Variants in SATB1 observed in about 807,000 individuals in gnomAD.
The protein encoded by SATB1 is SATB homeobox 1.
SATB1 carries 11 observed loss-of-function variants against 86.9 expected under a neutral mutation model. The observed-to-expected ratio is 0.13, with a 90% CI of 0.08 to 0.21. The LOEUF (loss-of-function observed/expected upper bound fraction) is 0.21, where lower values mean the gene tolerates loss of function less well. Among genes scored for constraint, SATB1 ranks in the 10% least tolerant of loss-of-function variants. The pLI is 1.00. For synonymous variants in SATB1, 357 were observed against 357.2 expected, an observed-to-expected ratio of 1.00 and a Z score of 0.01; for missense variants, 551 against 937.6, an observed-to-expected ratio of 0.59 and a Z score of 5.39.
At chr3:18,397,432 C>A in intron 5 of SATB1, 142 bp from the exon 6 acceptor site, 1 of 584,518 alleles carries the variant, frequency 1.7e-6, no homozygotes, top group Non-Finnish European at 3.1e-6. Context: ...CCTAAAGCTT[C>A]GACTTCTTAA....
At chr3:18,369,521 C>T (rs2125166467) in intron 9 of SATB1, among the ~76,000 whole-genome samples, 1 of 152,240 alleles carries the variant, frequency 6.6e-6, no homozygotes, top group African/African-American at 2.4e-5. Flanking sequence ...ACATCTTACA[C>T]ACACATACAT....
At chr3:18,392,886 T>C (rs1207661668) in intron 7 of SATB1, among the ~76,000 whole-genome samples, 1 of 148,570 alleles carries the variant, frequency 6.7e-6, no homozygotes, top group Non-Finnish European at 1.5e-5. Context: ...TTTTAAGCTA[T>C]AAAGATATAG....
intron 2 of SATB1, among the ~76,000 whole-genome samples, chr3:18,418,010 C>T (rs183961392): frequency 1.3e-5 from 2 of 152,266 alleles, no homozygotes; most frequent in Admixed American, 1.3e-4. Flanking sequence ...TGCTGTGGTA[C>T]TCAAGGTGTT....
intron 8 of SATB1, among the ~76,000 whole-genome samples, chr3:18,382,038 A>G (rs1395070868): frequency 6.6e-6 from 1 of 152,182 alleles, no homozygotes; most frequent in Non-Finnish European, 1.5e-5. Context: ...ATTCATAAGA[A>G]ATAAAACTTT....
intron 9 of SATB1, 134 bp downstream of exon 9, chr3:18,378,034 TTA>T: frequency 1.3e-6 from 1 of 758,854 alleles, no homozygotes. Flanking sequence ...TTGTTTCATT[TTA>T]GAGCTCTGGA....
intron 9 of SATB1, among the ~76,000 whole-genome samples, chr3:18,358,315 G>T (rs987893940): frequency 6.6e-6 from 1 of 151,888 alleles, no homozygotes; most frequent in Non-Finnish European, 1.5e-5. Flanking sequence ...TAAATGTTAT[G>T]AAGTTCTTTA....
chr3:18,365,920 G>T (rs55949928), intron 9 of SATB1, among the ~76,000 whole-genome samples: 17,967 of 152,116 alleles, frequency 0.12, 2,317 homozygotes, highest in African/African-American at 0.31. Context: ...AAGAAAGAAG[G>T]TAATTTAGAC....
intron 8 of SATB1, 146 bp from the exon 9 acceptor site, chr3:18,378,471 C>G (rs973856034): frequency 1.3e-6 from 1 of 759,282 alleles, no homozygotes; most frequent in African/African-American, 1.8e-5. Flanking sequence ...AGTTATTGCC[C>G]TGAGATCAGA....
At chr3:18,412,711 A>G (rs1559448442) in intron 5 of SATB1, among the ~76,000 whole-genome samples, 1 of 152,032 alleles carries the variant, frequency 6.6e-6, no homozygotes, top group Non-Finnish European at 1.5e-5. Context: ...TCTTAACCAT[A>G]GGAAAAAGAG....
intron 9 of SATB1, among the ~76,000 whole-genome samples, chr3:18,359,066 C>CTCACAG (rs1694787211): frequency 6.6e-6 from 1 of 151,998 alleles, no homozygotes; most frequent in Non-Finnish European, 1.5e-5. Context: ...GGAAGGAATA[C>CTCACAG]TCACAGTCAC....
chr3:18,422,890 C>T (rs1387362043), intron 1 of SATB1, among the ~76,000 whole-genome samples: 1 of 152,156 alleles, frequency 6.6e-6, no homozygotes, highest in Non-Finnish European at 1.5e-5. Flanking sequence ...GAAAGTGATA[C>T]ATTATAATTT....
intron 2 of SATB1, among the ~76,000 whole-genome samples, chr3:18,435,918 T>G (rs559576809): frequency 6.6e-6 from 1 of 152,180 alleles, no homozygotes; most frequent in East Asian, 1.9e-4. Context: ...CACACAGCAG[T>G]GCACCACTTA....
chr3:18,365,369 TAGA>T (rs1430958470), intron 9 of SATB1, among the ~76,000 whole-genome samples: 1 of 150,952 alleles, frequency 6.6e-6, no homozygotes, highest in African/African-American at 2.4e-5. Context: ...GTTTTCCAAA[TAGA>T]AGGAGATAAG....
intron 2 of SATB1, among the ~76,000 whole-genome samples, chr3:18,420,029 G>A (rs1416572694): frequency 6.6e-6 from 1 of 152,048 alleles, no homozygotes; most frequent in Non-Finnish European, 1.5e-5. Context: ...ATGTTATTCA[G>A]ACACAAAATG....
At chr3:18,354,673 T>C (rs1463441407) in intron 9 of SATB1, among the ~76,000 whole-genome samples, 1 of 152,118 alleles carries the variant, frequency 6.6e-6, no homozygotes, top group Non-Finnish European at 1.5e-5. Flanking sequence ...TTAGGAACTT[T>C]TTAAAGTAAT....
chr3:18,352,009 G>C lies in SATB1; in HGVS notation c.1762C>G (p.Pro588Ala), dbSNP rs1225527604. 6.2e-7 allele frequency: 1 copy of C among 1,614,060 alleles called. No individual in the cohort carries two copies. The highest frequency in any genetic ancestry group is 8.5e-7 in the Non-Finnish European group (1 of 1,180,050). The change falls in exon 10 of 11, where the codon CCA (proline) becomes GCA (alanine). Residue 588 changes from proline to alanine, a missense_variant. This residue lies in a region of SATB1 where 87 missense variants were observed against 103.6 expected (regional missense o/e 0.84). Coordinates refer to ENST00000338745, the MANE Select transcript of SATB1 (RefSeq NM_002971.6). The surrounding 1 kb of genome is among the most constrained non-coding windows in gnomAD (Gnocchi z 4.1). ...AAACGAACCTGAATCTGCTCTGCTG[G>C]AACATGGATAATGTGGGGCGGCCTG... ...GDRPPHIIHV[P>A]AEQIQQQQQQ...
At position 18,444,380 on chromosome 3, in the gene SATB1, G is replaced by A. The variant is rs2125216296; in HGVS notation, c.-25+1138C>T. 6.6e-6 allele frequency among the ~76,000 whole-genome samples: 1 copy of A among 152,022 alleles called. No individual in the cohort carries two copies. Among genetic ancestry groups the A allele is most frequent in the Non-Finnish European group, 1.5e-5 (1 of 67,960 alleles). On this transcript the variant is annotated intron_variant, in intron 1 of 3. Transcript: ENST00000415069. This position sits in a 1 kb window ranked among gnomAD's most constrained non-coding sequence, Gnocchi z 5.1. ...CATCTTCAAATCCCCCATCCCGACC[G>A]CTCTCCCCTACTCTACCAGCCCACC...
rs768225783 is a variant in SATB1 at position 18,394,614 on chromosome 3, G to C, written c.1054C>G (p.Pro352Ala). 2.5e-6 allele frequency: 4 copies of C among 1,614,162 alleles called. No individual in the cohort carries two copies. The highest frequency in any genetic ancestry group is 2.2e-5 in the East Asian group (1 of 44,882). ...GGCTTATTCATAGATCTACTGACAG[G>C]GGGAGGGTGGTTCAAGTATTGTTGG... is the stretch of plus-strand genomic sequence containing the variant. The part of the protein sequence containing the change: ...LNQQYLNHPP[P>A]VSRSMNKPLE... Residue 352 changes from proline to alanine, a missense_variant, in exon 7 of 11, where the codon CCT (proline) becomes GCT (alanine). Around this residue, in one of 8 missense-constraint regions of SATB1, gnomAD observed 119 missense variants for 171.1 expected, o/e 0.70. Coordinates refer to ENST00000338745, the MANE Select transcript of SATB1 (RefSeq NM_002971.6). This position sits in a 1 kb window ranked among gnomAD's most constrained non-coding sequence, Gnocchi z 5.9.
chr3:18,397,352 T>C (rs1697017210), intron 5 of SATB1, 62 bp from the exon 6 acceptor site: 5 of 943,262 alleles, frequency 5.3e-6, no homozygotes, highest in Admixed American at 1.8e-5. Flanking sequence ...AACACAGAAA[T>C]GATCTCAATT....
Sources: gnomAD v4.1 joint callset for allele counts (sites outside exome capture counted in the v4.1 genomes callset) on GRCh38, gnomAD v4.1.1 for gene constraint, gnomAD v4.1.1 regional missense constraint, Gnocchi (gnomAD v3.1) non-coding constraint, MANE v1.5 for transcripts, NCBI Gene and HGNC (gene_info 2026-07-23, HGNC 2026-07-21) for gene names.